GABRB1: variants seen among roughly 807,000 people sequenced by gnomAD.
GABRB1 encodes the protein gamma-aminobutyric acid type A receptor subunit beta1.
GABRB1 carries 17 observed loss-of-function variants against 51.6 expected under a neutral mutation model. The observed-to-expected ratio is 0.33, with a 90% confidence interval of 0.23 to 0.49. GABRB1 has a LOEUF of 0.49. Among genes scored for constraint, GABRB1 ranks in the 20% least tolerant of loss-of-function variants. GABRB1 has a pLI of 0.99. For synonymous variants in GABRB1, 247 were observed against 218.9 expected (o/e 1.13, Z -1.14); for missense variants, 410 against 600.6 (o/e 0.68, Z 3.32).
intron 4 of GABRB1, among the ~76,000 whole-genome samples, chr4:47,287,230 C>G (rs1326200274): frequency 6.6e-6 from 1 of 152,132 alleles, no homozygotes; most frequent in African/African-American, 2.4e-5. Flanking sequence ...TGTAGCTTTC[C>G]CCGTATCTTT....
At chr4:47,338,476 T>C (rs188276901) in intron 5 of GABRB1, among the ~76,000 whole-genome samples, 83 of 152,364 alleles carry the variant, frequency 5.4e-4, no homozygotes, top group African/African-American at 2.0e-3. Flanking sequence ...AACCTTTCGT[T>C]GATATTTTAA....
intron 5 of GABRB1, among the ~76,000 whole-genome samples, chr4:47,399,072 G>A (rs572653725): frequency 6.6e-6 from 1 of 152,362 alleles, no homozygotes; most frequent in Non-Finnish European, 1.5e-5. Context: ...TTACAGGCGT[G>A]AGCCACGGCA....
At chr4:47,196,316 G>A (rs1279520410) in intron 4 of GABRB1, among the ~76,000 whole-genome samples, 1 of 152,206 alleles carries the variant, frequency 6.6e-6, no homozygotes, top group African/African-American at 2.4e-5. Flanking sequence ...GAAGTGTTCA[G>A]AATCCATCTA....
intron 1 of GABRB1, among the ~76,000 whole-genome samples, chr4:47,025,885 T>C (rs188373267): frequency 6.6e-6 from 1 of 152,160 alleles, no homozygotes; most frequent in Non-Finnish European, 1.5e-5. Flanking sequence ...ACTTCCGTTT[T>C]TTTTGTAATG....
intron 1 of GABRB1, among the ~76,000 whole-genome samples, chr4:47,021,229 G>A (rs1724920769): frequency 6.6e-6 from 1 of 151,900 alleles, no homozygotes; most frequent in South Asian, 2.1e-4. Flanking sequence ...ACTAAATATT[G>A]CTAAATTTAT....
intron 4 of GABRB1, among the ~76,000 whole-genome samples, chr4:47,215,127 G>T (rs985311434): frequency 2.6e-5 from 4 of 152,116 alleles, no homozygotes; most frequent in Non-Finnish European, 5.9e-5. Context: ...CTAAAAGGAA[G>T]GGGGACACTG....
chr4:47,028,198 G>T (rs1358951675), upstream of GABRB1, among the ~76,000 whole-genome samples: 1 of 151,354 alleles, frequency 6.6e-6, no homozygotes, highest in African/African-American at 2.4e-5. Flanking sequence ...AGTTTTGCAG[G>T]TACATACTAG....
At position 47,406,865 on chromosome 4, in the gene GABRB1, G is replaced by T. The variant is rs751229590; in HGVS notation, c.1019G>T (p.Gly340Val). Reference sequence around the variant, plus strand: ...TTTGGGAAAGGCCCTCAGAAAAAGGGAGCTAGCAAACAAGACCAGAGTGCC... The same window carrying T: ...TTTGGGAAAGGCCCTCAGAAAAAGGTAGCTAGCAAACAAGACCAGAGTGCC... Reference protein sequence around the residue: ...IFFGKGPQKKGASKQDQSANE... With the variant: ...IFFGKGPQKKVASKQDQSANE... The change falls in exon 8 of 9, where the codon GGA becomes GTA. Residue 340 changes from glycine (G) to valine (V), a missense_variant. Gly to Val is a moderately radical substitution (Grantham distance 109, BLOSUM62 -3). Around this residue, in one of 5 missense-constraint regions of GABRB1, gnomAD observed 181 missense variants for 195.6 expected, o/e 0.93. Transcript: ENST00000295454. 6.2e-7 allele frequency: 1 copy of T among 1,614,126 alleles called. No homozygotes were observed. The highest frequency in any genetic ancestry group is 1.1e-5 in the South Asian group (1 of 91,082).
At chr4:47,287,452 C>A (rs1459340766) in intron 4 of GABRB1, among the ~76,000 whole-genome samples, 3 of 152,234 alleles carry the variant, frequency 2.0e-5, no homozygotes, top group East Asian at 3.9e-4. Flanking sequence ...CTTCTCTCTA[C>A]CTAGAATGCC....
intron 3 of GABRB1, among the ~76,000 whole-genome samples, chr4:47,048,278 T>C (rs1242129935): frequency 3.3e-5 from 5 of 152,142 alleles, no homozygotes; most frequent in Admixed American, 3.3e-4. Context: ...TCTCTCTTCT[T>C]GGAACGACTA....
At chr4:47,037,496 C>A (rs953022237) in intron 3 of GABRB1, among the ~76,000 whole-genome samples, 1 of 150,720 alleles carries the variant, frequency 6.6e-6, no homozygotes, top group Non-Finnish European at 1.5e-5. Flanking sequence ...CTTCCCTTTG[C>A]CTGTCTGTTT....
At chr4:47,003,079 TAA>T (rs34059067) in intron 1 of GABRB1, among the ~76,000 whole-genome samples, 3 of 151,878 alleles carry the variant, frequency 2.0e-5, no homozygotes, top group African/African-American at 4.8e-5. Flanking sequence ...TGCTTTATAA[TAA>T]AAAAAAACTT....
rs549760925 is a variant in GABRB1 at position 47,092,392 on chromosome 4, C to T, written c.240+59908C>T. Among the ~76,000 whole-genome samples the T allele has an allele frequency of 1.2e-3, 188 of 151,318 alleles. 1 individual carries two copies. The highest frequency in any genetic ancestry group is 4.3e-3 in the African/African-American group (176 of 41,204). On this transcript the variant is annotated intron_variant, in intron 3 of 8. Transcript: ENST00000295454. ...TTCACCACATTGGCCAGGCTCGTCT[C>T]GAACCCCTGACTTAAGGTGATCCGC...
intron 5 of GABRB1, among the ~76,000 whole-genome samples, chr4:47,401,765 T>C (rs925062530): frequency 2.0e-5 from 3 of 152,250 alleles, no homozygotes; most frequent in African/African-American, 7.2e-5. Flanking sequence ...AATCCATGAA[T>C]GGGATCCATG....
chr4:47,211,113 C>T (rs759815540), intron 4 of GABRB1, among the ~76,000 whole-genome samples: 5 of 152,186 alleles, frequency 3.3e-5, no homozygotes, highest in Middle Eastern at 3.4e-3. Context: ...TTCTTTCCCA[C>T]GTTACCAGAA....
intron 4 of GABRB1, among the ~76,000 whole-genome samples, chr4:47,231,209 T>C (rs1721130202): frequency 6.6e-6 from 1 of 152,154 alleles, no homozygotes; most frequent in East Asian, 1.9e-4. Context: ...TAAGACAATG[T>C]ATGATGTTTA....
At chr4:47,311,532 G>A (rs909100216) in intron 4 of GABRB1, among the ~76,000 whole-genome samples, 1 of 151,688 alleles carries the variant, frequency 6.6e-6, no homozygotes, top group Non-Finnish European at 1.5e-5. Context: ...TGAAGATGGA[G>A]GAAGGGTCCA....
At chr4:47,272,855 C>G (rs1030157639) in intron 4 of GABRB1, among the ~76,000 whole-genome samples, 1 of 152,078 alleles carries the variant, frequency 6.6e-6, no homozygotes, top group African/African-American at 2.4e-5. Flanking sequence ...TTTATTCCTG[C>G]TTTCTGACGA....
chr4:47,067,349 T>A (rs531707530), intron 3 of GABRB1, among the ~76,000 whole-genome samples: 2 of 152,302 alleles, frequency 1.3e-5, no homozygotes, highest in South Asian at 4.1e-4. Flanking sequence ...AACAAGAGGG[T>A]CAGCCTGTCC....
Sources: gnomAD v4.1 joint callset for allele counts (sites outside exome capture counted in the v4.1 genomes callset) on GRCh38, gnomAD v4.1.1 for gene constraint, gnomAD v4.1.1 regional missense constraint, MANE v1.5 for transcripts, NCBI Gene and HGNC (gene_info 2026-07-23, HGNC 2026-07-21) for gene names.